The following DHX8 variants were observed in gnomAD, a reference collection of about 807,000 sequenced individuals.
DHX8 encodes the protein ATP-dependent RNA helicase DHX8.
In DHX8, 67 loss-of-function variants were observed where a neutral mutation model predicts 140.7. The observed-to-expected ratio is 0.48, with a 90% CI of 0.39 to 0.58. The LOEUF (loss-of-function observed/expected upper bound fraction) is 0.58. Among genes scored for constraint, DHX8 ranks in the 20% least tolerant of loss-of-function variants. The pLI, the probability that DHX8 is intolerant of heterozygous loss-of-function variation, is 0.00. For missense variants in DHX8, 887 were observed against 1,550.7 expected, an observed-to-expected ratio of 0.57 and a Z score of 7.19; for synonymous variants, 533 against 553.2, an observed-to-expected ratio of 0.96 and a Z score of 0.51.
At chr17:43,510,812 C>A (rs1211679897) in intron 16 of DHX8, among the ~76,000 whole-genome samples, 3 of 152,152 alleles carry the variant, frequency 2.0e-5, no homozygotes, top group African/African-American at 7.2e-5. Context: ...CTCTGGAAAC[C>A]ACTAACCTAT....
At chr17:43,536,117 A>AAAACAAACAAACAAAC (rs113078365) in intron 2 of DHX8, among the ~76,000 whole-genome samples, 3 of 151,608 alleles carry the variant, frequency 2.0e-5, no homozygotes, top group African/African-American at 7.3e-5. Flanking sequence ...TCTTGGGGGG[A>AAAACAAACAAACAAAC]AAACAAACAA....
intron 2 of DHX8, among the ~76,000 whole-genome samples, chr17:43,532,229 G>A (rs1438821862): frequency 6.6e-6 from 1 of 152,206 alleles, no homozygotes; most frequent in Non-Finnish European, 1.5e-5. Context: ...TCCGGGTGAG[G>A]TGGCTCATGT....
At chr17:43,511,475 T>TTTTTTTTTTTTTTTA (rs1969830286) in intron 16 of DHX8, among the ~76,000 whole-genome samples, 1 of 140,722 alleles carries the variant, frequency 7.1e-6, no homozygotes, top group Admixed American at 7.3e-5. Context: ...TTTTTTTTTT[T>TTTTTTTTTTTTTTTA]GAGACAGAGT....
chr17:43,491,721 G>A (rs767514730), intron 4 of DHX8, among the ~76,000 whole-genome samples: 2 of 152,122 alleles, frequency 1.3e-5, no homozygotes, highest in Admixed American at 6.6e-5. Flanking sequence ...TTGGGGTAGG[G>A]AGCAGGAAAT....
chr17:43,511,194 G>A (rs1321589462), intron 16 of DHX8, among the ~76,000 whole-genome samples: 3 of 152,066 alleles, frequency 2.0e-5, no homozygotes, highest in Non-Finnish European at 4.4e-5. Flanking sequence ...GCCAGGCGTG[G>A]TGGCGGGTGC....
chr17:43,493,144 G>A, intron 6 of DHX8, 104 bp downstream of exon 6: 1 of 1,447,174 alleles, frequency 6.9e-7, no homozygotes, highest in Non-Finnish European at 9.4e-7. Flanking sequence ...TGACACTTTA[G>A]TCAAATCAGC....
intron 11 of DHX8, among the ~76,000 whole-genome samples, chr17:43,501,351 G>C (rs1289763782): frequency 1.2e-4 from 19 of 152,144 alleles, no homozygotes; most frequent in Admixed American, 1.2e-3. Flanking sequence ...AGGCTTGTGT[G>C]GATGGAATAG....
intron 10 of DHX8, among the ~76,000 whole-genome samples, chr17:43,499,707 C>T (rs1312529052): frequency 6.6e-6 from 1 of 152,178 alleles, no homozygotes; most frequent in Non-Finnish European, 1.5e-5. Context: ...TTAAAGGTAG[C>T]ACATCATTCC....
intron 3 of DHX8, 152 bp from the exon 4 acceptor site, chr17:43,491,013 T>C: frequency 2.4e-6 from 1 of 408,534 alleles, no homozygotes; most frequent in Non-Finnish European, 4.4e-6. Flanking sequence ...TTAAATTACA[T>C]TTATAGTAAC....
At position 43,496,292 on chromosome 17, in the gene DHX8, A is replaced by G. The variant is rs146498779; in HGVS notation, c.1300+24A>G. 2.8e-4 allele frequency: 442 copies of G among 1,562,462 alleles called. 1 individual carries two copies. The Admixed American group carries it at 7.4e-3, about 26-fold the overall frequency. On this transcript the variant is annotated intron_variant, in intron 9 of 22. Coordinates refer to ENST00000262415, the MANE Select transcript of DHX8 (RefSeq NM_004941.3). ...AGGTAACTAGTCAGTTGGATCGAGA[A>G]GGGTAATTGGCAAGTTGAGCCATTG...
intron 18 of DHX8, chr17:43,519,834 G>A (rs983775969): frequency 8.0e-6 from 2 of 250,554 alleles, no homozygotes; most frequent in African/African-American, 4.6e-5. Flanking sequence ...CCAGCTACTT[G>A]GGATGCTGAG....
chr17:43,529,150 T>C, downstream of DHX8: 1 of 1,613,970 alleles, frequency 6.2e-7, no homozygotes, highest in South Asian at 1.1e-5. Context: ...GCATGATGCC[T>C]TTCTCATAAT....
chr17:43,520,291 G>T (rs1567698114), intron 19 of DHX8, 24 bp downstream of exon 19: 4 of 1,610,188 alleles, frequency 2.5e-6, no homozygotes, highest in Non-Finnish European at 2.5e-6. Context: ...TCAACTTCCT[G>T]TGCTTTTGGG....
intron 2 of DHX8, among the ~76,000 whole-genome samples, chr17:43,489,735 T>G (rs1240388363): frequency 6.6e-6 from 1 of 151,964 alleles, no homozygotes; most frequent in Admixed American, 6.6e-5. Context: ...GGACTACAGG[T>G]GCCTGCCACC....
intron 1 of DHX8, 84 bp from the exon 2 acceptor site, chr17:43,489,365 C>T: frequency 1.1e-6 from 1 of 907,644 alleles, no homozygotes; most frequent in Non-Finnish European, 1.8e-6. Flanking sequence ...TGTTGGATAA[C>T]CTAATTAGTT....
At chr17:43,543,255 G>A (rs999681159) in intron 3 of DHX8, among the ~76,000 whole-genome samples, 4 of 89,022 alleles carry the variant, frequency 4.5e-5, no homozygotes, top group Non-Finnish European at 9.9e-5. Flanking sequence ...CAGGGCAGCA[G>A]CATGTAACTA....
At chr17:43,523,062 CAAAAA>C (rs5820498) in intron 22 of DHX8, among the ~76,000 whole-genome samples, 1 of 102,706 alleles carries the variant, frequency 9.7e-6, no homozygotes, top group Non-Finnish European at 2.0e-5. Flanking sequence ...GACTCCGTCC[CAAAAA>C]AAAAAAAAAA....
At chr17:43,520,447 A>G (rs2154586871) in intron 19 of DHX8, among the ~76,000 whole-genome samples, 180 bp downstream of exon 19, 1 of 152,354 alleles carries the variant, frequency 6.6e-6, no homozygotes, top group Non-Finnish European at 1.5e-5. Flanking sequence ...TTTATACAAA[A>G]AGGTGTTCTG....
At chr17:43,541,722 GCT>G (rs1347184720) in intron 3 of DHX8, among the ~76,000 whole-genome samples, 1 of 152,138 alleles carries the variant, frequency 6.6e-6, no homozygotes, top group African/African-American at 2.4e-5. Flanking sequence ...CAGAGCTTCT[GCT>G]CCATTGTGTC....
Sources: gnomAD v4.1 joint callset for allele counts (sites outside exome capture counted in the v4.1 genomes callset) on GRCh38, gnomAD v4.1.1 for gene constraint, MANE v1.5 for transcripts, NCBI Gene and HGNC (gene_info 2026-07-23, HGNC 2026-07-21) for gene names.